The following RIMBP2 variants were observed in gnomAD, a reference collection of about 807,000 sequenced individuals.
The protein encoded by RIMBP2 is RIMS-binding protein 2.
A neutral mutation model predicts 118.6 loss-of-function variants in RIMBP2; 48 were observed. The observed-to-expected ratio is 0.40, with a 90% CI of 0.32 to 0.51. RIMBP2 has a LOEUF of 0.51. Among genes scored for constraint, RIMBP2 ranks in the 20% least tolerant of loss-of-function variants. The probability of loss-of-function intolerance (pLI) is 0.41; values close to 1 mark genes in which losing one functional copy is unlikely to be tolerated. For missense variants in RIMBP2, 1,551 were observed against 1,768.3 expected, an observed-to-expected ratio of 0.88 and a Z score of 2.20; for synonymous variants, 762 against 742.9, an observed-to-expected ratio of 1.03 and a Z score of -0.42.
At chr12:130,653,696 C>T (rs750508659) in intron 1 of RIMBP2, among the ~76,000 whole-genome samples, 3 of 152,238 alleles carry the variant, frequency 2.0e-5, no homozygotes, top group Admixed American at 1.3e-4. Flanking sequence ...AGCTTGGAAC[C>T]CAGACTTTCC....
rs145358322 is a variant in RIMBP2, at chr12:130,621,638, C to T, written c.-217+6684G>A. 1.3e-5 allele frequency among the ~76,000 whole-genome samples: 2 copies of T among 152,336 alleles called. No homozygotes were observed. Among genetic ancestry groups the T allele is most frequent in the African/African-American group, 2.4e-5 (1 of 41,564 alleles). On this transcript the variant is annotated intron_variant, in intron 2 of 22. Transcript: ENST00000690449. The surrounding 1 kb of genome is among the most constrained non-coding windows in gnomAD (Gnocchi z 6.6). ...GAGCCCACGGCTATATCAGCAGCCTCATTTATGTGTCCTGCAGAACAAAAG... is the reference window on the plus strand; with the variant it reads ...GAGCCCACGGCTATATCAGCAGCCTTATTTATGTGTCCTGCAGAACAAAAG...
At chr12:130,438,629 G>T in intron 11 of RIMBP2, 113 bp from the exon 12 acceptor site, 1 of 1,010,402 alleles carries the variant, frequency 9.9e-7, no homozygotes, top group Non-Finnish European at 1.4e-6. Context: ...AAAGTCGCCA[G>T]GGAAAAAGAG....
At chr12:130,456,790 C>T (rs2079487479) in intron 6 of RIMBP2, 90 bp from the exon 7 acceptor site, 1 of 1,005,668 alleles carries the variant, frequency 9.9e-7, no homozygotes, top group African/African-American at 1.6e-5. Context: ...TACGTGTGCA[C>T]ATGTGCACTG....
chr12:130,670,013 G>C lies in RIMBP2; in HGVS notation c.-351-41557C>G, dbSNP rs1236820895. Among the ~76,000 whole-genome samples, 2 of 152,052 alleles carry C rather than the reference G, an allele frequency of 1.3e-5. No homozygotes were observed. The highest frequency in any genetic ancestry group is 4.8e-5 in the African/African-American group (2 of 41,400). Reference sequence around the variant, plus strand: ...AATTAGGGATCTTGAGATGAGGAGAGCATCCTGGATTATGCAGGTGGGCCC... The same window carrying C: ...AATTAGGGATCTTGAGATGAGGAGACCATCCTGGATTATGCAGGTGGGCCC... On this transcript the variant is annotated intron_variant, in intron 1 of 22. Coordinates refer to ENST00000690449, the MANE Select transcript of RIMBP2 (RefSeq NM_001393629.1). The surrounding 1 kb of genome is among the most constrained non-coding windows in gnomAD (Gnocchi z 4.9).
Position 130,434,773 on chromosome 12 carries a change from C to T in RIMBP2, c.2214G>A (p.Ser738=), listed in dbSNP as rs199557291. The change falls in exon 14 of 23, where the codon TCG becomes TCA. Residue 738 remains serine (S), a synonymous_variant. Coordinates refer to ENST00000690449, the MANE Select transcript of RIMBP2 (RefSeq NM_001393629.1). The surrounding 1 kb of genome is among the most constrained non-coding windows in gnomAD (Gnocchi z 5.7). The part of the protein sequence containing the change: ...DSPDFKRRGA[S]VDDFLKGSEL... ...CAGAGCCTTTCAGGAAGTCGTCCAC[C>T]GAGGCGCCCCTCCTCTTGAAGTCTG... 3.9e-5 allele frequency: 63 copies of T among 1,613,682 alleles called. No individual in the cohort carries two copies. The highest frequency in any genetic ancestry group is 4.5e-5 in the East Asian group (2 of 44,854).
rs551386742 is a variant in RIMBP2, at chr12:130,475,903, G to A, written c.102+3009C>T. Among the ~76,000 whole-genome samples the A allele has an allele frequency of 8.5e-5, 13 of 152,200 alleles. No individual in the cohort carries two copies. Among genetic ancestry groups the A allele is most frequent in the Non-Finnish European group, 4.4e-5 (3 of 68,020 alleles). The stretch of plus-strand genomic sequence containing the variant: ...GGACGTGGCGTCCGAGGCCCCCCAA[G>A]CAGTGGTGTCAAGCAGAGGGTGAGT... On this transcript the variant is annotated intron_variant, in intron 5 of 22. Coordinates refer to ENST00000690449, the MANE Select transcript of RIMBP2 (RefSeq NM_001393629.1). The surrounding 1 kb of genome is among the most constrained non-coding windows in gnomAD (Gnocchi z 4.1).
intron 2 of RIMBP2, among the ~76,000 whole-genome samples, chr12:130,519,231 G>A (rs1376654470): frequency 6.6e-6 from 1 of 152,200 alleles, no homozygotes; most frequent in African/African-American, 2.4e-5. Context: ...AAGAAATCAC[G>A]TGGTTTCAAC....
intron 19 of RIMBP2, 74 bp downstream of exon 19, chr12:130,412,545 G>C: frequency 7.3e-7 from 1 of 1,365,828 alleles, no homozygotes; most frequent in South Asian, 1.3e-5. Context: ...CCTCATCACC[G>C]CCTGCCTCTC....
chr12:130,608,747 A>G (rs967904363), intron 2 of RIMBP2, among the ~76,000 whole-genome samples: 1 of 152,228 alleles, frequency 6.6e-6, no homozygotes, highest in African/African-American at 2.4e-5. Context: ...GAATGGTTAA[A>G]TCTAGTTAAT....
intron 1 of RIMBP2, among the ~76,000 whole-genome samples, chr12:130,637,990 T>C (rs557730475): frequency 8.2e-4 from 125 of 152,168 alleles, no homozygotes; most frequent in African/African-American, 2.9e-3. Context: ...TGACCATGGG[T>C]TCTAATGTCC....
chr12:130,430,103 C>T (rs1256145280), intron 14 of RIMBP2: 6 of 152,272 alleles, frequency 3.9e-5, no homozygotes, highest in African/African-American at 1.2e-4. Flanking sequence ...AAGCAAAGGT[C>T]ACCAGCATTT....
At chr12:130,610,516 C>T (rs1402735735) in intron 2 of RIMBP2, among the ~76,000 whole-genome samples, 2 of 142,616 alleles carry the variant, frequency 1.4e-5, no homozygotes, top group African/African-American at 5.1e-5. Context: ...AAGAGACTAA[C>T]AAACATTTTG....
At chr12:130,684,290 T>C (rs1019661543) in intron 1 of RIMBP2, among the ~76,000 whole-genome samples, 4 of 152,150 alleles carry the variant, frequency 2.6e-5, no homozygotes, top group African/African-American at 9.7e-5. Context: ...ACATCTTAAA[T>C]GCATTGGACT....
At chr12:130,405,555 A>G (rs750137050) in intron 21 of RIMBP2, among the ~76,000 whole-genome samples, 2 of 152,044 alleles carry the variant, frequency 1.3e-5, no homozygotes, top group African/African-American at 2.4e-5. Flanking sequence ...GGAAACTCTG[A>G]GATAACCCCA....
chr12:130,655,277 G>T (rs1489472066), intron 1 of RIMBP2, among the ~76,000 whole-genome samples: 1 of 152,226 alleles, frequency 6.6e-6, no homozygotes, highest in Admixed American at 6.5e-5. Flanking sequence ...TTTCTTCATT[G>T]CTCTTGCTGC....
intron 22 of RIMBP2, chr12:130,399,030 C>A: frequency 1.7e-6 from 1 of 597,776 alleles, no homozygotes; most frequent in Non-Finnish European, 2.7e-6. Flanking sequence ...TTTAACCCCA[C>A]AATGAAGCCT....
rs1177812948 is a variant in RIMBP2, at chr12:130,572,428, G to T, written c.-216-54511C>A. On this transcript the variant is annotated intron_variant, in intron 2 of 22. Coordinates refer to ENST00000690449, the MANE Select transcript of RIMBP2 (RefSeq NM_001393629.1). Reference sequence around the variant, plus strand: ...GCTCGCATGAGCATCAGGTATAGAAGGGACCTTCCTTGGACACTCGGCTCC... The same window carrying T: ...GCTCGCATGAGCATCAGGTATAGAATGGACCTTCCTTGGACACTCGGCTCC... Among the ~76,000 whole-genome samples, 3 of 152,068 alleles carry T rather than the reference G, an allele frequency of 2.0e-5. No individual in the cohort carries two copies. The East Asian group carries it at 5.8e-4, about 29-fold the overall frequency.
rs377633452 is a variant in RIMBP2, at chr12:130,439,903, CTA to C, written c.1505-1389_1505-1388del. Among the ~76,000 whole-genome samples the C allele has an allele frequency of 3.5e-5, 4 of 112,902 alleles. 1 individual carries two copies. Among genetic ancestry groups the C allele is most frequent in the Non-Finnish European group, 5.7e-5 (3 of 52,654 alleles). The allele number at this position is 112,902 out of a possible 152,430, so 74.1% of individuals were successfully genotyped here. A position where few individuals can be genotyped will look rare whatever the true frequency, so the allele number is the denominator to read the frequency against. On this transcript the variant is annotated intron_variant, in intron 11 of 22. Coordinates refer to ENST00000690449, the MANE Select transcript of RIMBP2 (RefSeq NM_001393629.1). ...TGTGGGTATGTGTATGTGTATCTGT[CTA>C]TGTGAGTCTGTGGGGGTGTCTGTGG... is the stretch of plus-strand genomic sequence containing the variant.
intron 1 of RIMBP2, among the ~76,000 whole-genome samples, chr12:130,637,789 C>T (rs993469764): frequency 6.6e-6 from 1 of 152,160 alleles, no homozygotes; most frequent in Non-Finnish European, 1.5e-5. Context: ...TCAGGCCTGG[C>T]TTGGGGTACC....
Sources: allele counts gnomAD v4.1 joint callset (sites outside exome capture counted in the v4.1 genomes callset), GRCh38; gene constraint gnomAD v4.1.1; non-coding constraint Gnocchi (gnomAD v3.1); transcripts MANE v1.5; gene names NCBI Gene and HGNC (gene_info 2026-07-23, HGNC 2026-07-21).